USH2A: variants seen among roughly 807,000 people sequenced by gnomAD.
USH2A encodes the protein usherin.
In USH2A, 443 loss-of-function variants were observed where a neutral mutation model predicts 538.9. That is an observed-to-expected ratio of 0.82 (90% confidence interval 0.76 to 0.89). The LOEUF (loss-of-function observed/expected upper bound fraction) is 0.89, where lower values mean the gene tolerates loss of function less well. Among genes scored for constraint, USH2A ranks in the 40% least tolerant of loss-of-function variants. The pLI, the probability that USH2A is intolerant of heterozygous loss-of-function variation, is 0.00. For synonymous variants in USH2A, 2,413 were observed against 2,273.5 expected (o/e 1.06, Z -1.75); for missense variants, 6,633 against 6,324.8 (o/e 1.05, Z -1.65).
rs759589036 is a variant in USH2A, at chr1:216,289,351, C to A, written c.1900G>T (p.Ala634Ser). The A allele has an allele frequency of 6.2e-7, 1 of 1,613,808 alleles. No homozygotes were observed. The highest frequency in any genetic ancestry group is 1.3e-5 in the African/African-American group (1 of 74,892). The change falls in exon 11 of 72, where the codon GCC (alanine) becomes TCC (serine). Residue 634 changes from alanine to serine, a missense_variant. Transcript: ENST00000307340. The stretch of plus-strand genomic sequence containing the variant: ...TCACAGGGTTTGCAAACATCTATGG[C>A]CGAAGGATCTGCACCAACTTGTCGG... Reference protein sequence around the residue: ...FFRQVGADPSAIDVCKPCDCD... With the variant: ...FFRQVGADPSSIDVCKPCDCD...
chr1:216,202,098 T>C (rs1411717556), intron 16 of USH2A, among the ~76,000 whole-genome samples: 1 of 152,134 alleles, frequency 6.6e-6, no homozygotes, highest in Non-Finnish European at 1.5e-5. Context: ...CACTGAAGGC[T>C]AGAACAACGA....
intron 4 of USH2A, among the ~76,000 whole-genome samples, chr1:216,339,150 T>A (rs1474520693): frequency 6.6e-6 from 1 of 151,658 alleles, no homozygotes; most frequent in Non-Finnish European, 1.5e-5. Flanking sequence ...ATACTTTTTT[T>A]TATAAAGTGG....
At chr1:216,343,057 T>C (rs2038106795) in intron 4 of USH2A, among the ~76,000 whole-genome samples, 1 of 151,938 alleles carries the variant, frequency 6.6e-6, no homozygotes, top group Non-Finnish European at 1.5e-5. Flanking sequence ...TAAAAACAAA[T>C]CAAGTTATTA....
intron 54 of USH2A, among the ~76,000 whole-genome samples, chr1:215,781,273 A>G (rs1661627501): frequency 6.6e-6 from 1 of 152,188 alleles, no homozygotes; most frequent in Admixed American, 6.6e-5. Context: ...AGTGCCAAGT[A>G]CTATCTGCTT....
intron 20 of USH2A, among the ~76,000 whole-genome samples, chr1:216,183,041 G>A (rs1052369404): frequency 6.6e-6 from 1 of 152,058 alleles, no homozygotes; most frequent in African/African-American, 2.4e-5. Flanking sequence ...ACATCCAATT[G>A]TTACCTTAGG....
rs371041596 is a variant in USH2A at position 216,162,902 on chromosome 1, A to G, written c.4627+12350T>C. Among the ~76,000 whole-genome samples the G allele has an allele frequency of 1.1e-4, 16 of 152,208 alleles. No homozygotes were observed. In the South Asian group the frequency reaches 3.3e-3, roughly 32 times the overall value. ...TAAATGTTGGCCAAGCACCCAAAAA[A>G]GAATTGTTACACAGAATTTTTGAAT... is the stretch of plus-strand genomic sequence containing the variant. On this transcript the variant is annotated intron_variant, in intron 21 of 71. Transcript: ENST00000307340.
chr1:215,641,412 TA>T (rs1656681642), intron 67 of USH2A, among the ~76,000 whole-genome samples: 1 of 152,206 alleles, frequency 6.6e-6, no homozygotes, highest in South Asian at 2.1e-4. Flanking sequence ...TCAGGTGTCC[TA>T]AGTATTATAT....
chr1:215,806,150 C>G (rs1421969971), intron 49 of USH2A, among the ~76,000 whole-genome samples: 2 of 152,024 alleles, frequency 1.3e-5, no homozygotes, highest in South Asian at 4.2e-4. Context: ...TATCAAAAAC[C>G]CTTCTAATTT....
intron 3 of USH2A, among the ~76,000 whole-genome samples, chr1:216,380,896 CTTATA>C (rs1204131685): frequency 6.6e-6 from 1 of 152,042 alleles, no homozygotes; most frequent in African/African-American, 2.4e-5. Context: ...TGTATATTTA[CTTATA>C]TTAAACATAC....
rs114047334 is a variant in USH2A at position 216,355,162 on chromosome 1, G to T, written c.784+9791C>A. 9.1e-3 allele frequency among the ~76,000 whole-genome samples: 1,378 copies of T among 151,878 alleles called. 6 individuals are homozygous for T. The highest frequency in any genetic ancestry group is 0.036 in the South Asian group (175 of 4,818). On this transcript the variant is annotated intron_variant, in intron 4 of 71. Coordinates refer to ENST00000307340, the MANE Select transcript of USH2A (RefSeq NM_206933.4). The stretch of plus-strand genomic sequence containing the variant: ...GTCTCTACTGAAAATACAAAAATTG[G>T]CATGGTGGCATACACCTGTAATCTC...
At chr1:215,982,491 G>T (rs564398813) in intron 35 of USH2A, among the ~76,000 whole-genome samples, 2 of 152,166 alleles carry the variant, frequency 1.3e-5, no homozygotes, top group Non-Finnish European at 2.9e-5. Context: ...TTCCTCCGTG[G>T]CACACTATCT....
chr1:215,690,901 C>CT (rs1225971836), intron 61 of USH2A, among the ~76,000 whole-genome samples: 3 of 151,950 alleles, frequency 2.0e-5, no homozygotes, highest in Non-Finnish European at 4.4e-5. Flanking sequence ...CTTTTTTTCT[C>CT]TTTTTTTAGA....
At position 216,226,698 on chromosome 1, in the gene USH2A, C is replaced by T. The variant is rs114801071; in HGVS notation, c.2993+5255G>A. 3.4e-3 allele frequency among the ~76,000 whole-genome samples: 524 copies of T among 152,280 alleles called. 2 individuals are homozygous for T. The highest frequency in any genetic ancestry group is 0.012 in the African/African-American group (498 of 41,554). On this transcript the variant is annotated intron_variant, in intron 14 of 71. Coordinates refer to ENST00000307340, the MANE Select transcript of USH2A (RefSeq NM_206933.4). Reference sequence around the variant, plus strand: ...TTCTTTTCGACTGGTTGCTTATTAACCTGTAGTCCACAGTAATCTTGTCCT... The same window carrying T: ...TTCTTTTCGACTGGTTGCTTATTAATCTGTAGTCCACAGTAATCTTGTCCT...
intron 4 of USH2A, among the ~76,000 whole-genome samples, chr1:216,346,595 A>G (rs534208199): frequency 6.6e-6 from 1 of 151,918 alleles, no homozygotes; most frequent in South Asian, 2.1e-4. Context: ...GGTCACTTAG[A>G]AGTTATGGAA....
At chr1:216,340,389 C>T (rs904315759) in intron 4 of USH2A, among the ~76,000 whole-genome samples, 18 of 152,014 alleles carry the variant, frequency 1.2e-4, no homozygotes, top group African/African-American at 4.3e-4. Context: ...TAGACAGATT[C>T]ACAGCTGAAT....
chr1:216,057,528 A>G (rs951445992), intron 30 of USH2A, among the ~76,000 whole-genome samples: 1 of 152,018 alleles, frequency 6.6e-6, no homozygotes, highest in Admixed American at 6.6e-5. Context: ...AACAAAAAAA[A>G]CAAAAAACAA....
At chr1:215,731,322 C>G (rs1659989880) in intron 60 of USH2A, among the ~76,000 whole-genome samples, 1 of 152,172 alleles carries the variant, frequency 6.6e-6, no homozygotes, top group Non-Finnish European at 1.5e-5. Context: ...GTACATGTCC[C>G]ATCTGCACTG....
At chr1:215,800,258 C>T (rs1475365297) in intron 49 of USH2A, among the ~76,000 whole-genome samples, 3 of 152,124 alleles carry the variant, frequency 2.0e-5, no homozygotes, top group Admixed American at 6.5e-5. Flanking sequence ...TCGTGGCCTT[C>T]GGAACCCTGA....
chr1:216,142,083 C>A (rs1348320143), intron 21 of USH2A, among the ~76,000 whole-genome samples: 1 of 152,096 alleles, frequency 6.6e-6, no homozygotes, highest in African/African-American at 2.4e-5. Context: ...TTTCTTTGAA[C>A]AAGTTCAGGT....
Sources: allele counts gnomAD v4.1 joint callset (sites outside exome capture counted in the v4.1 genomes callset), GRCh38; gene constraint gnomAD v4.1.1; transcripts MANE v1.5; gene names NCBI Gene and HGNC (gene_info 2026-07-23, HGNC 2026-07-21).